Variants in MAGI2 observed in about 807,000 individuals in gnomAD.
The protein encoded by MAGI2 is membrane-associated guanylate kinase, WW and PDZ domain-containing protein 2.
MAGI2 carries 35 observed loss-of-function variants against 133.3 expected under a neutral mutation model. That is an observed-to-expected ratio of 0.26 (90% confidence interval 0.20 to 0.35). The LOEUF (loss-of-function observed/expected upper bound fraction) is 0.35. MAGI2 is among the 10% of genes least tolerant of loss of function. The pLI is 1.00. For synonymous variants in MAGI2, 729 were observed against 710.6 expected, an observed-to-expected ratio of 1.03 and a Z score of -0.41; for missense variants, 1,636 against 1,863.4, an observed-to-expected ratio of 0.88 and a Z score of 2.25.
chr7:78,703,236 G>A (rs1400830448), intron 2 of MAGI2, among the ~76,000 whole-genome samples: 1 of 151,916 alleles, frequency 6.6e-6, no homozygotes, highest in Non-Finnish European at 1.5e-5. Flanking sequence ...TCTTGCAAAA[G>A]TTTATATTTC....
chr7:79,164,499 C>G (rs751641718), intron 1 of MAGI2, among the ~76,000 whole-genome samples: 4 of 151,906 alleles, frequency 2.6e-5, no homozygotes, highest in Non-Finnish European at 4.4e-5. Flanking sequence ...AACCGAGAGT[C>G]TAGCACCTTT....
chr7:78,801,317 C>G (rs570021905), intron 2 of MAGI2, among the ~76,000 whole-genome samples: 1 of 152,272 alleles, frequency 6.6e-6, no homozygotes, highest in Non-Finnish European at 1.5e-5. Context: ...CATATCAGCA[C>G]TGTTAGATTT....
chr7:78,845,332 T>C (rs1167434871), intron 2 of MAGI2, among the ~76,000 whole-genome samples: 1 of 151,966 alleles, frequency 6.6e-6, no homozygotes, highest in Non-Finnish European at 1.5e-5. Context: ...TAAACTGCTC[T>C]CCCTTGCCAG....
At chr7:79,277,772 C>G (rs1012039347) in intron 1 of MAGI2, among the ~76,000 whole-genome samples, 3 of 152,134 alleles carry the variant, frequency 2.0e-5, no homozygotes, top group African/African-American at 7.2e-5. Flanking sequence ...ACAGATGTAA[C>G]TCCTTTCTCT....
At position 79,202,299 on chromosome 7, in the gene MAGI2, C is replaced by A. The variant is rs534821235; in HGVS notation, c.302-195093G>T. 2.0e-4 allele frequency among the ~76,000 whole-genome samples: 30 copies of A among 151,842 alleles called. 1 individual carries two copies. Among genetic ancestry groups the A allele is most frequent in the African/African-American group, 6.8e-4 (28 of 41,294 alleles). ...ATGGGTGGTAAGGAAGAGTCACACC[C>A]AATATGGCCTTTAAGGTATGGTCAA... is the stretch of plus-strand genomic sequence containing the variant. On this transcript the variant is annotated intron_variant, in intron 1 of 21. Coordinates refer to ENST00000354212, the MANE Select transcript of MAGI2 (RefSeq NM_012301.4).
In MAGI2 at chr7:78,019,675, C is replaced by T. The variant is rs769792380; in HGVS notation, c.4008G>A (p.Gly1336=). The part of the protein sequence containing the change: ...PRLEEAPGGQ[G]RPEAGRPASE... ...AGGCGGGCCTGCCGGCCTCGGGCCGCCCCTGGCCGCCGGGCGCCTCCTCGA... is the reference window on the plus strand; with the variant it reads ...AGGCGGGCCTGCCGGCCTCGGGCCGTCCCTGGCCGCCGGGCGCCTCCTCGA... Residue 1336 remains glycine (G), a synonymous_variant, in exon 22 of 22, where the codon GGG becomes GGA. Coordinates refer to ENST00000354212, the MANE Select transcript of MAGI2 (RefSeq NM_012301.4). The T allele has an allele frequency of 2.1e-5, 30 of 1,434,808 alleles. No individual in the cohort carries two copies. The highest frequency in any genetic ancestry group is 2.4e-4 in the Middle Eastern group (1 of 4,186). 88.9% of individuals were successfully genotyped at this position (1,434,808 alleles called of 1,614,324 possible). A position where few individuals can be genotyped will look rare whatever the true frequency, so the allele number is the denominator to read the frequency against.
At chr7:78,078,675 A>C (rs1346436519) in intron 21 of MAGI2, 1 of 562,988 alleles carries the variant, frequency 1.8e-6, no homozygotes, top group African/African-American at 1.9e-5. Context: ...GCACACTCAC[A>C]GATGCCCTGA....
At chr7:79,157,306 GC>G (rs1199512168) in intron 1 of MAGI2, among the ~76,000 whole-genome samples, 2 of 151,928 alleles carry the variant, frequency 1.3e-5, no homozygotes, top group African/African-American at 4.8e-5. Flanking sequence ...CTCACAACAT[GC>G]AGTGGCCCTA....
intron 1 of MAGI2, among the ~76,000 whole-genome samples, chr7:79,208,068 CA>C (rs1198297360): frequency 6.6e-6 from 1 of 151,706 alleles, no homozygotes; most frequent in African/African-American, 2.4e-5. Flanking sequence ...ATGTAAGACC[CA>C]AAACTATGAA....
At chr7:78,292,128 A>G (rs1415494892) in intron 9 of MAGI2, among the ~76,000 whole-genome samples, 3 of 152,218 alleles carry the variant, frequency 2.0e-5, no homozygotes, top group Non-Finnish European at 4.4e-5. Context: ...AATTAGGAAA[A>G]GAGGAAGTCA....
chr7:78,124,104 C>A (rs1820730471), intron 20 of MAGI2, among the ~76,000 whole-genome samples: 1 of 152,208 alleles, frequency 6.6e-6, no homozygotes, highest in Non-Finnish European at 1.5e-5. Context: ...CTGTAGTCCA[C>A]CGTGGGTCTC....
intron 9 of MAGI2, among the ~76,000 whole-genome samples, chr7:78,274,349 G>A (rs1022946554): frequency 6.6e-6 from 1 of 152,146 alleles, no homozygotes; most frequent in African/African-American, 2.4e-5. Context: ...GCCAGCCATA[G>A]CTCTCCTGTA....
intron 1 of MAGI2, among the ~76,000 whole-genome samples, chr7:79,138,816 T>C (rs1056986442): frequency 3.6e-4 from 55 of 151,986 alleles, no homozygotes; most frequent in African/African-American, 1.1e-3. Context: ...CCATCCTGGC[T>C]AACATGGTGA....
chr7:79,030,849 G>T (rs972121090), intron 1 of MAGI2, among the ~76,000 whole-genome samples: 10 of 152,098 alleles, frequency 6.6e-5, no homozygotes, highest in Non-Finnish European at 1.5e-4. Context: ...TTTATATACA[G>T]CACTGAAGGA....
intron 2 of MAGI2, among the ~76,000 whole-genome samples, chr7:78,837,735 T>A (rs1322192382): frequency 1.3e-5 from 2 of 152,170 alleles, no homozygotes. Flanking sequence ...ACAAAGGAAA[T>A]TCCAACTACA....
chr7:78,162,524 C>CAAA (rs773765110), intron 15 of MAGI2, among the ~76,000 whole-genome samples: 48 of 54,716 alleles, frequency 8.8e-4, no homozygotes, highest in African/African-American at 1.8e-3. Context: ...GACTCTGCCT[C>CAAA]AAAAAAAAAA....
At chr7:78,753,985 C>T (rs1178406069) in intron 2 of MAGI2, among the ~76,000 whole-genome samples, 1 of 152,092 alleles carries the variant, frequency 6.6e-6, no homozygotes, top group African/African-American at 2.4e-5. Flanking sequence ...TTGTGGTATA[C>T]AGACCCACAC....
intron 1 of MAGI2, among the ~76,000 whole-genome samples, chr7:79,379,926 G>C (rs1240475701): frequency 4.0e-5 from 6 of 151,184 alleles, no homozygotes; most frequent in African/African-American, 1.2e-4. Flanking sequence ...AATGGTGCTA[G>C]GAAAACTGGC....
In MAGI2 at chr7:79,235,052, C is replaced by T. The variant is rs975900606; in HGVS notation, c.301+217968G>A. Among the ~76,000 whole-genome samples, 12 of 151,678 alleles carry T rather than the reference C, an allele frequency of 7.9e-5. 1 individual carries two copies. The highest frequency in any genetic ancestry group is 6.2e-4 in the South Asian group (3 of 4,810). Reference sequence around the variant, plus strand: ...CTGCAGGTCTGTTGGAATACCCTGCCGTGTGAGGTGTCAGTGTGCCCCTGC... The same window carrying T: ...CTGCAGGTCTGTTGGAATACCCTGCTGTGTGAGGTGTCAGTGTGCCCCTGC... On this transcript the variant is annotated intron_variant, in intron 1 of 21. Transcript: ENST00000354212.
Sources: allele counts gnomAD v4.1 joint callset (sites outside exome capture counted in the v4.1 genomes callset), GRCh38; gene constraint gnomAD v4.1.1; transcripts MANE v1.5; gene names NCBI Gene and HGNC (gene_info 2026-07-23, HGNC 2026-07-21).